BTRC: variants seen among roughly 807,000 people sequenced by gnomAD.
The protein encoded by BTRC is beta-transducin repeat containing E3 ubiquitin protein ligase.
Under a neutral mutation model 85.5 loss-of-function variants are expected in BTRC, and 42 were observed. That is an observed-to-expected ratio of 0.49 (90% CI 0.38 to 0.64). The LOEUF is 0.64. Among genes scored for constraint, BTRC ranks in the 30% least tolerant of loss-of-function variants. The probability of loss-of-function intolerance (pLI) is 0.00; values close to 1 mark genes in which losing one functional copy is unlikely to be tolerated. For missense variants in BTRC, 594 were observed against 743.5 expected (o/e 0.80, Z 2.34); for synonymous variants, 255 against 263.3 (o/e 0.97, Z 0.30).
At position 101,430,348 on chromosome 10, in the gene BTRC, T is replaced by C; in HGVS notation, c.52T>C (p.Ser18Pro). ...CATAGTTGTCCTCTCTCTGCAGTGC[T>C]CTATGCCCAGGTCTCTGTGGCTGGG... ...LQEKALKFMC[S>P]MPRSLWLGCS... is the part of the protein sequence containing the mutation. Residue 18 changes from serine to proline, a missense_variant, in exon 2 of 15, where the codon TCT becomes CCT. By Grantham distance (74) the Ser-to-Pro change is moderately conservative (BLOSUM62 -1). Coordinates refer to ENST00000370187, the MANE Select transcript of BTRC (RefSeq NM_033637.4). The C allele has an allele frequency of 6.2e-7, 1 of 1,613,156 alleles. No homozygotes were observed. Among genetic ancestry groups the C allele is most frequent in the Non-Finnish European group, 8.5e-7 (1 of 1,179,304 alleles).
chr10:101,539,768 T>C (rs1231830243), intron 13 of BTRC, among the ~76,000 whole-genome samples: 2 of 152,214 alleles, frequency 1.3e-5, no homozygotes, highest in African/African-American at 2.4e-5. Context: ...TTCAAAGTGG[T>C]TTACCCTTTT....
chr10:101,381,208 T>C (rs139801100), intron 1 of BTRC, among the ~76,000 whole-genome samples: 68 of 152,272 alleles, frequency 4.5e-4, no homozygotes, highest in African/African-American at 1.6e-3. Flanking sequence ...ATATATTAAC[T>C]CATTTGATCC....
rs1182682278 is a variant in BTRC, at chr10:101,487,736, TGAG to T, written c.324+8280_324+8282del. ...TACCCAGTCGGAACACTGAAATTAA[TGAG>T]AAGAACAGTGTTCTGTGATCAACCT... is the stretch of plus-strand genomic sequence containing the variant. On this transcript the variant is annotated intron_variant, in intron 4 of 14. Transcript: ENST00000370187. 2.6e-5 allele frequency among the ~76,000 whole-genome samples: 4 copies of T among 152,216 alleles called. No individual in the cohort carries two copies. The East Asian group carries it at 5.8e-4, about 22-fold the overall frequency.
intron 4 of BTRC, among the ~76,000 whole-genome samples, chr10:101,498,866 G>A (rs551047090): frequency 4.6e-5 from 7 of 151,980 alleles, no homozygotes; most frequent in South Asian, 4.2e-4. Context: ...AGTGGTGCGC[G>A]CCTGTAATCC....
chr10:101,547,687 A>G (rs2062580774), intron 13 of BTRC, among the ~76,000 whole-genome samples: 1 of 152,180 alleles, frequency 6.6e-6, no homozygotes, highest in African/African-American at 2.4e-5. Flanking sequence ...CATGATTTCT[A>G]AAATATTTTA....
intron 1 of BTRC, among the ~76,000 whole-genome samples, chr10:101,415,069 T>C (rs529139159): frequency 7.2e-5 from 11 of 152,308 alleles, no homozygotes; most frequent in Non-Finnish European, 1.3e-4. Flanking sequence ...AATAATGTCC[T>C]AGACCTTCAC....
rs952205290 is a variant in BTRC, at chr10:101,556,601, C to T, written c.*3478C>T. The T allele has an allele frequency of 1.3e-5, 2 of 152,232 alleles. No individual in the cohort carries two copies. Among genetic ancestry groups the T allele is most frequent in the Admixed American group, 6.5e-5 (1 of 15,278 alleles). 9.4% of individuals were successfully genotyped at this position (152,232 alleles called of 1,614,324 possible). On this transcript the variant is annotated 3_prime_UTR_variant, in exon 15 of 15. Coordinates refer to ENST00000370187, the MANE Select transcript of BTRC (RefSeq NM_033637.4). Reference sequence around the variant, plus strand: ...AGACCTCCTTTAACCACAGTGTCAACATAGTATCGGAAAGAGAGCCATTTC... The same window carrying T: ...AGACCTCCTTTAACCACAGTGTCAATATAGTATCGGAAAGAGAGCCATTTC...
At chr10:101,436,623 AAAAT>A (rs1211941451) in intron 2 of BTRC, among the ~76,000 whole-genome samples, 1 of 106,876 alleles carries the variant, frequency 9.4e-6, no homozygotes, top group Non-Finnish European at 1.9e-5. Flanking sequence ...TCAATTAAAA[AAAAT>A]AGATAGATAG....
intron 4 of BTRC, among the ~76,000 whole-genome samples, chr10:101,510,204 G>A (rs1946665075): frequency 6.6e-6 from 1 of 151,730 alleles, no homozygotes; most frequent in South Asian, 2.1e-4. Flanking sequence ...ATCGGAAAAA[G>A]ATCTTTTAAA....
intron 4 of BTRC, among the ~76,000 whole-genome samples, chr10:101,496,568 A>T (rs945645933): frequency 6.6e-6 from 1 of 152,080 alleles, no homozygotes; most frequent in Non-Finnish European, 1.5e-5. Flanking sequence ...GACTTTTTTT[A>T]AAATTGCAAT....
At chr10:101,401,054 A>G (rs1335185937) in intron 1 of BTRC, among the ~76,000 whole-genome samples, 1 of 152,210 alleles carries the variant, frequency 6.6e-6, no homozygotes, top group African/African-American at 2.4e-5. Flanking sequence ...GTTATTTCAA[A>G]TAATATTTAA....
chr10:101,546,747 G>T (rs1479815016), intron 13 of BTRC, among the ~76,000 whole-genome samples: 3 of 152,136 alleles, frequency 2.0e-5, no homozygotes, highest in African/African-American at 7.2e-5. Context: ...AAGACCAAAA[G>T]CTAGTTCTTT....
chr10:101,521,968 G>T (rs1589591003), intron 5 of BTRC, 98 bp downstream of exon 5: 5 of 397,786 alleles, frequency 1.3e-5, no homozygotes, highest in East Asian at 1.1e-4. Context: ...TTATTGGCTT[G>T]ATTTTTACAA....
intron 1 of BTRC, among the ~76,000 whole-genome samples, chr10:101,385,421 T>G (rs1943044398): frequency 6.6e-6 from 1 of 150,678 alleles, no homozygotes; most frequent in Non-Finnish European, 1.5e-5. Context: ...TTTTTGAACT[T>G]GGATGAAGGA....
intron 1 of BTRC, 138 bp from the exon 2 acceptor site, chr10:101,430,207 G>GA: frequency 1.9e-6 from 1 of 529,516 alleles, no homozygotes; most frequent in Non-Finnish European, 3.3e-6. Flanking sequence ...CCAGTAAGTA[G>GA]TGTGTTTCTT....
intron 2 of BTRC, among the ~76,000 whole-genome samples, chr10:101,438,820 G>A (rs1040418378): frequency 1.3e-5 from 2 of 152,172 alleles, no homozygotes; most frequent in Non-Finnish European, 2.9e-5. Context: ...TTGGTAAAAT[G>A]AGGATAAAAT....
Position 101,536,575 on chromosome 10 carries a change from G to A in BTRC, c.1499G>A (p.Arg500Gln), listed in dbSNP as rs757892246. The stretch of plus-strand genomic sequence containing the variant: ...GACATAGAATGTGGTGCATGTTTAC[G>A]AGTGTTAGAAGGCCATGAGGAATTG... ...LWDIECGACL[R>Q]VLEGHEELVR... Residue 500 changes from arginine (R) to glutamine (Q), a missense_variant, in exon 12 of 15, where the codon CGA (arginine) becomes CAA (glutamine). Arg to Gln is a conservative substitution (Grantham distance 43). Around this residue, in one of 4 missense-constraint regions of BTRC, gnomAD observed 373 missense variants for 503.6 expected, o/e 0.74. Coordinates refer to ENST00000370187, the MANE Select transcript of BTRC (RefSeq NM_033637.4). 1.9e-6 allele frequency: 3 copies of A among 1,613,734 alleles called. No individual in the cohort carries two copies. The highest frequency in any genetic ancestry group is 1.7e-5 in the Admixed American group (1 of 60,018).
chr10:101,395,900 T>G (rs1943349728), intron 1 of BTRC, among the ~76,000 whole-genome samples: 1 of 152,132 alleles, frequency 6.6e-6, no homozygotes, highest in Admixed American at 6.6e-5. Context: ...GTAGTAATAT[T>G]TCCATGTTTT....
intron 4 of BTRC, among the ~76,000 whole-genome samples, chr10:101,517,602 A>G (rs150243767): frequency 6.6e-6 from 1 of 152,284 alleles, no homozygotes; most frequent in Non-Finnish European, 1.5e-5. Flanking sequence ...AAATATGCCA[A>G]AGATCCATCA....
Sources: allele counts gnomAD v4.1 joint callset (sites outside exome capture counted in the v4.1 genomes callset), GRCh38; gene constraint gnomAD v4.1.1; regional missense constraint gnomAD v4.1.1; transcripts MANE v1.5; gene names NCBI Gene and HGNC (gene_info 2026-07-23, HGNC 2026-07-21).